The following GALNT17 variants were observed in gnomAD, a reference collection of about 807,000 sequenced individuals.
GALNT17 encodes polypeptide N-acetylgalactosaminyltransferase 17.
In GALNT17, 29 loss-of-function variants were observed where a neutral mutation model predicts 63.7. The observed-to-expected ratio is 0.46, with a 90% CI of 0.34 to 0.62. The LOEUF (loss-of-function observed/expected upper bound fraction) is 0.62. Among genes scored for constraint, GALNT17 ranks in the 20% least tolerant of loss-of-function variants. GALNT17 has a pLI of 0.01. For missense variants in GALNT17, 603 were observed against 799.6 expected (o/e 0.75, Z 2.97); for synonymous variants, 305 against 318.3 (o/e 0.96, Z 0.45).
At chr7:71,187,712 G>A (rs953682354) in intron 1 of GALNT17, among the ~76,000 whole-genome samples, 16 of 152,034 alleles carry the variant, frequency 1.1e-4, no homozygotes, top group African/African-American at 3.1e-4. Flanking sequence ...GGTGTTTCCT[G>A]TTGAAGACCC....
At chr7:71,561,478 G>A (rs7780636) in intron 5 of GALNT17, among the ~76,000 whole-genome samples, 10,795 of 152,210 alleles carry the variant, frequency 0.071, 384 homozygotes, top group South Asian at 0.11. Flanking sequence ...ACCTTGGAAT[G>A]AGAAAGTGCT....
intron 5 of GALNT17, among the ~76,000 whole-genome samples, chr7:71,528,836 TA>T (rs952492944): frequency 6.6e-6 from 1 of 151,774 alleles, no homozygotes; most frequent in South Asian, 2.1e-4. Flanking sequence ...TTACAGTGGT[TA>T]AAAAAAACAA....
At chr7:71,410,633 T>C (rs577939391) in intron 3 of GALNT17, among the ~76,000 whole-genome samples, 245 of 152,360 alleles carry the variant, frequency 1.6e-3, no homozygotes, top group African/African-American at 5.6e-3. Flanking sequence ...AGCCCAGGGA[T>C]GGTACCGATA....
intron 1 of GALNT17, among the ~76,000 whole-genome samples, chr7:71,282,935 A>AG (rs1278164978): frequency 6.6e-6 from 1 of 151,848 alleles, no homozygotes; most frequent in Non-Finnish European, 1.5e-5. Flanking sequence ...CGAAGGCAGG[A>AG]GGGGTTCTGA....
At chr7:71,557,777 T>G (rs1459015879) in intron 5 of GALNT17, among the ~76,000 whole-genome samples, 1 of 142,474 alleles carries the variant, frequency 7.0e-6, no homozygotes, top group Non-Finnish European at 1.5e-5. Context: ...GGTGACAGAA[T>G]GAAACTCTTA....
chr7:71,136,760 C>T (rs1186956225), intron 1 of GALNT17, among the ~76,000 whole-genome samples: 1 of 147,600 alleles, frequency 6.8e-6, no homozygotes, highest in African/African-American at 2.5e-5. Context: ...GCTGGGATTA[C>T]AGGTGTAAGC....
chr7:71,284,930 A>C (rs1790845880), intron 1 of GALNT17, among the ~76,000 whole-genome samples: 1 of 151,968 alleles, frequency 6.6e-6, no homozygotes, highest in African/African-American at 2.4e-5. Flanking sequence ...GGTATAAAAA[A>C]CTTACAGGAC....
chr7:71,132,524 GA>G lies in GALNT17; in HGVS notation c.-278del. The G allele has an allele frequency of 2.4e-6, 1 of 415,972 alleles. No individual in the cohort carries two copies. The highest frequency in any genetic ancestry group is 4.3e-6 in the Non-Finnish European group (1 of 233,916). The allele number at this position is 415,972 out of a possible 1,614,324, so 25.8% of individuals were successfully genotyped here. ...ACCCTCAAATCCCTGGCCTTTCGCG[GA>G]GACGCCTGGACGGGGCCGTGCGCCG... On this transcript the variant is annotated 5_prime_UTR_variant, in exon 1 of 11. Transcript: ENST00000333538.
At chr7:71,458,741 G>A (rs776233762) in intron 5 of GALNT17, among the ~76,000 whole-genome samples, 23 of 152,104 alleles carry the variant, frequency 1.5e-4, no homozygotes, top group Non-Finnish European at 2.4e-4. Context: ...GCTGTCCAGC[G>A]GCTCACCTCC....
intron 1 of GALNT17, among the ~76,000 whole-genome samples, chr7:71,220,756 A>G (rs573852733): frequency 6.6e-6 from 1 of 152,224 alleles, no homozygotes; most frequent in South Asian, 2.1e-4. Context: ...CCATGTGAAG[A>G]CACTTGGAAG....
At chr7:71,225,272 A>T (rs1371163403) in intron 1 of GALNT17, among the ~76,000 whole-genome samples, 1 of 152,246 alleles carries the variant, frequency 6.6e-6, no homozygotes, top group Non-Finnish European at 1.5e-5. Flanking sequence ...CACAGCCCAT[A>T]GACTCATTCT....
At chr7:71,490,103 A>C (rs573548564) in intron 5 of GALNT17, among the ~76,000 whole-genome samples, 1 of 152,086 alleles carries the variant, frequency 6.6e-6, no homozygotes, top group East Asian at 1.9e-4. Context: ...TAAAAATACA[A>C]AAAAATTTAG....
intron 6 of GALNT17, among the ~76,000 whole-genome samples, chr7:71,605,750 C>T (rs1273175407): frequency 3.3e-5 from 5 of 152,106 alleles, no homozygotes; most frequent in Non-Finnish European, 7.4e-5. Flanking sequence ...TGAATTTTGA[C>T]TCTGATGGTG....
chr7:71,449,108 C>CTTTTTT (rs59368494), intron 5 of GALNT17, among the ~76,000 whole-genome samples: 33,520 of 71,330 alleles, frequency 0.47, 11,066 homozygotes, highest in Non-Finnish European at 0.56. Context: ...TGCCTATTTT[C>CTTTTTT]TTTTTTTTTT....
chr7:71,440,857 G>A (rs1297067852), intron 5 of GALNT17, among the ~76,000 whole-genome samples: 1 of 152,116 alleles, frequency 6.6e-6, no homozygotes, highest in African/African-American at 2.4e-5. Flanking sequence ...ATCCTCCGAG[G>A]TGTGGCAATG....
rs1554316554 is a variant in GALNT17 at position 71,621,545 on chromosome 7, T to TG, written c.1081-43865dup. Among the ~76,000 whole-genome samples the TG allele has an allele frequency of 6.6e-3, 580 of 87,322 alleles. 11 individuals carry two copies. Among genetic ancestry groups the TG allele is most frequent in the African/African-American group, 0.018 (480 of 27,296 alleles). 57.3% of individuals were successfully genotyped at this position (87,322 alleles called of 152,430 possible). ...TGGATGGATGGATGGATTGATGGAT[T>TG]GATGGATAGATGGATGGATGGATGG... On this transcript the variant is annotated intron_variant, in intron 6 of 10. Transcript: ENST00000333538.
At chr7:71,167,361 T>A (rs1788462253) in intron 1 of GALNT17, among the ~76,000 whole-genome samples, 1 of 152,144 alleles carries the variant, frequency 6.6e-6, no homozygotes, top group South Asian at 2.1e-4. Context: ...GTTGATCGTA[T>A]TTTTATGTGT....
intron 5 of GALNT17, among the ~76,000 whole-genome samples, chr7:71,561,168 A>G (rs966596267): frequency 4.6e-5 from 7 of 152,108 alleles, no homozygotes; most frequent in African/African-American, 1.4e-4. Flanking sequence ...ACGCACCACC[A>G]TGCCTGGCTA....
intron 5 of GALNT17, among the ~76,000 whole-genome samples, chr7:71,463,906 G>A (rs1787493284): frequency 6.6e-6 from 1 of 152,154 alleles, no homozygotes; most frequent in African/African-American, 2.4e-5. Flanking sequence ...CGTTTTATCA[G>A]CAAGGTCTTT....
Sources: allele counts gnomAD v4.1 joint callset (sites outside exome capture counted in the v4.1 genomes callset), GRCh38; gene constraint gnomAD v4.1.1; transcripts MANE v1.5; gene names NCBI Gene and HGNC (gene_info 2026-07-23, HGNC 2026-07-21).